The following AEBP2 variants were observed in gnomAD, a reference collection of about 807,000 sequenced individuals.
The protein encoded by AEBP2 is AE binding protein 2.
AEBP2 carries 10 observed loss-of-function variants against 50.8 expected under a neutral mutation model. That is an observed-to-expected ratio of 0.20 (90% confidence interval 0.12 to 0.33). AEBP2 has a LOEUF of 0.33. Ranked by LOEUF, AEBP2 falls within the 10% of genes least tolerant of loss-of-function variation. The pLI is 1.00. For synonymous variants in AEBP2, 296 were observed against 261.3 expected, an observed-to-expected ratio of 1.13 and a Z score of -1.28; for missense variants, 570 against 688.0, an observed-to-expected ratio of 0.83 and a Z score of 1.92.
intron 7 of AEBP2, among the ~76,000 whole-genome samples, chr12:19,516,219 T>C (rs1949315911): frequency 6.6e-6 from 1 of 152,226 alleles, no homozygotes; most frequent in Non-Finnish European, 1.5e-5. Context: ...TTGGGAAGGT[T>C]ACGAGTTACT....
At position 19,508,975 on chromosome 12, in the gene AEBP2, G is replaced by A. The variant is rs566460897; in HGVS notation, c.1300-3423G>A. 32 of 511,380 alleles carry A rather than the reference G, an allele frequency of 6.3e-5. No homozygotes were observed. The East Asian group carries it at 1.4e-3, about 22-fold the overall frequency. 31.7% of individuals were successfully genotyped at this position (511,380 alleles called of 1,614,324 possible). A position where few individuals can be genotyped will look rare whatever the true frequency, so the allele number is the denominator to read the frequency against. ...CCTCTAACAAAACAAGTCTGTCCCA[G>A]ACCCTTGGTAATAGAGTTGTTTACC... On this transcript the variant is annotated intron_variant, in intron 5 of 7. Transcript: ENST00000266508.
chr12:19,405,979 T>C (rs2095736062), intron 1 of AEBP2, among the ~76,000 whole-genome samples: 1 of 151,252 alleles, frequency 6.6e-6, no homozygotes, highest in Admixed American at 6.6e-5. Context: ...TTTTTTTTTT[T>C]TTTTTCTTTT....
chr12:19,499,923 A>C (rs1949040779), intron 4 of AEBP2, among the ~76,000 whole-genome samples, 174 bp from the exon 5 acceptor site: 1 of 152,222 alleles, frequency 6.6e-6, no homozygotes, highest in African/African-American at 2.4e-5. Context: ...TCATTTGTTG[A>C]AATAATGCTT....
chr12:19,512,355 T>A lies in AEBP2; in HGVS notation c.1300-43T>A, dbSNP rs764478302. 1.8e-5 allele frequency: 24 copies of A among 1,338,414 alleles called. No homozygotes were observed. In the South Asian group the frequency reaches 3.2e-4, roughly 18 times the overall value. The allele number at this position is 1,338,414 out of a possible 1,614,324, so 82.9% of individuals were successfully genotyped here. A position where few individuals can be genotyped will look rare whatever the true frequency, so the allele number is the denominator to read the frequency against. Reference sequence around the variant, plus strand: ...TTTTTAACAATACATGAAAATGATGTTTTACACATTGTTTTTATGATTTCT... The same window carrying A: ...TTTTTAACAATACATGAAAATGATGATTTACACATTGTTTTTATGATTTCT... On this transcript the variant is annotated intron_variant, in intron 5 of 7. Coordinates refer to ENST00000266508, the MANE Select transcript of AEBP2 (RefSeq NM_153207.5).
chr12:19,426,373 C>T (rs1273813980), intron 1 of AEBP2, among the ~76,000 whole-genome samples: 1 of 152,198 alleles, frequency 6.6e-6, no homozygotes, highest in Non-Finnish European at 1.5e-5. Flanking sequence ...ATTCCACTGA[C>T]TTTACAGAAT....
chr12:19,482,020 C>T (rs1034319207), intron 3 of AEBP2, among the ~76,000 whole-genome samples: 2 of 151,934 alleles, frequency 1.3e-5, no homozygotes, highest in Non-Finnish European at 2.9e-5. Context: ...GTTATAGAAC[C>T]CTGTTTTGTC....
In AEBP2 at chr12:19,439,624, G is replaced by T. The variant is rs1018381441; in HGVS notation, c.-76G>T. On this transcript the variant is annotated 5_prime_UTR_variant, in exon 1 of 8. In the 5' UTR this introduces an upstream ATG that the reference lacks. Coordinates refer to ENST00000266508, the MANE Select transcript of AEBP2 (RefSeq NM_153207.5). ...TCGGCGGAGTTTTGGGCGTTTGGGA[G>T]GGGGGCGAGGGAGAGAGAGTCGAGA... 1 of 1,476,550 alleles carries T rather than the reference G, an allele frequency of 6.8e-7. No homozygotes were observed. Among genetic ancestry groups the T allele is most frequent in the Non-Finnish European group, 9.0e-7 (1 of 1,116,046 alleles). The allele number at this position is 1,476,550 out of a possible 1,614,324, so 91.5% of individuals were successfully genotyped here. A position where few individuals can be genotyped will look rare whatever the true frequency, so the allele number is the denominator to read the frequency against.
intron 1 of AEBP2, chr12:19,457,136 A>G (rs1592731645): frequency 1.9e-6 from 3 of 1,598,510 alleles, no homozygotes; most frequent in East Asian, 4.5e-5. Context: ...ATTTCCTCAT[A>G]TCTCTTCTGG....
At chr12:19,412,502 T>C (rs1295886424) in intron 1 of AEBP2, among the ~76,000 whole-genome samples, 1 of 152,012 alleles carries the variant, frequency 6.6e-6, no homozygotes, top group Admixed American at 6.6e-5. Flanking sequence ...ATGGTCTCGA[T>C]GTCTTGACCT....
At chr12:19,486,485 T>C (rs184819994) in intron 3 of AEBP2, among the ~76,000 whole-genome samples, 2 of 152,172 alleles carry the variant, frequency 1.3e-5, no homozygotes, top group Non-Finnish European at 2.9e-5. Flanking sequence ...TCAATCTCCC[T>C]GGCTCAGGTG....
At chr12:19,472,346 T>C (rs1232291766) in intron 2 of AEBP2, among the ~76,000 whole-genome samples, 1 of 152,194 alleles carries the variant, frequency 6.6e-6, no homozygotes, top group Non-Finnish European at 1.5e-5. Context: ...ATGATTGTGG[T>C]AGACCCTTCT....
chr12:19,430,380 C>G (rs2095750810), intron 1 of AEBP2, among the ~76,000 whole-genome samples: 1 of 152,100 alleles, frequency 6.6e-6, no homozygotes, highest in Non-Finnish European at 1.5e-5. Context: ...TTACTGTAGT[C>G]TTGTAGTATA....
intron 5 of AEBP2, among the ~76,000 whole-genome samples, chr12:19,505,743 T>A (rs1949146744): frequency 1.3e-5 from 2 of 152,146 alleles, no homozygotes; most frequent in South Asian, 4.1e-4. Context: ...TGAAGGGGGT[T>A]GAATAGGCAT....
intron 7 of AEBP2, among the ~76,000 whole-genome samples, chr12:19,515,884 AAGTCT>A (rs1263236845): frequency 6.6e-6 from 1 of 152,058 alleles, no homozygotes; most frequent in Non-Finnish European, 1.5e-5. Flanking sequence ...CAGGTCGCTG[AAGTCT>A]AGGAGTTCGA....
At chr12:19,493,059 C>T (rs1948918269) in intron 3 of AEBP2, among the ~76,000 whole-genome samples, 1 of 152,090 alleles carries the variant, frequency 6.6e-6, no homozygotes, top group Non-Finnish European at 1.5e-5. Context: ...GTGTGTAACA[C>T]TAGGAAGTCT....
rs1303018468 is a variant in AEBP2 at position 19,488,873 on chromosome 12, T to C, written c.988-4927T>C. On this transcript the variant is annotated intron_variant, in intron 3 of 7. Transcript: ENST00000266508. ...GGTGCGATCTTGGCTCACCACAACC[T>C]CCGCCTCCCAGGTTCAAGCTATTCT... Among the ~76,000 whole-genome samples, 28 of 152,092 alleles carry C rather than the reference T, an allele frequency of 1.8e-4. 1 individual carries two copies. Among genetic ancestry groups the C allele is most frequent in the Admixed American group, 1.7e-3 (26 of 15,266 alleles).
At chr12:19,472,255 A>T (rs1233883618) in intron 2 of AEBP2, among the ~76,000 whole-genome samples, 3 of 152,172 alleles carry the variant, frequency 2.0e-5, no homozygotes, top group African/African-American at 7.2e-5. Flanking sequence ...AGTATATTAC[A>T]GTCTTCAAAG....
At chr12:19,450,106 C>A (rs1948141003) in intron 1 of AEBP2, among the ~76,000 whole-genome samples, 1 of 152,152 alleles carries the variant, frequency 6.6e-6, no homozygotes, top group South Asian at 2.1e-4. Flanking sequence ...GTTTTGAAAG[C>A]AAAATCAGGT....
At chr12:19,477,903 A>G (rs888692315) in intron 3 of AEBP2, among the ~76,000 whole-genome samples, 3 of 152,118 alleles carry the variant, frequency 2.0e-5, no homozygotes, top group African/African-American at 4.8e-5. Context: ...TGTGAATCCA[A>G]CTGGTCCCAG....
Sources: gnomAD v4.1 joint callset for allele counts (sites outside exome capture counted in the v4.1 genomes callset) on GRCh38, gnomAD v4.1.1 for gene constraint, MANE v1.5 for transcripts, NCBI Gene and HGNC (gene_info 2026-07-23, HGNC 2026-07-21) for gene names.